The following NRXN1 variants were observed in gnomAD, a reference collection of about 807,000 sequenced individuals.
The protein encoded by NRXN1 is neurexin-1.
In NRXN1, 39 loss-of-function variants were observed where a neutral mutation model predicts 150.9. That is an observed-to-expected ratio of 0.26 (90% CI 0.20 to 0.34). The LOEUF (loss-of-function observed/expected upper bound fraction) is 0.34. Ranked by LOEUF, NRXN1 falls within the 10% of genes least tolerant of loss-of-function variation. The pLI is 1.00. For missense variants in NRXN1, 1,815 were observed against 1,949.9 expected, an observed-to-expected ratio of 0.93 and a Z score of 1.30; for synonymous variants, 924 against 757.0, an observed-to-expected ratio of 1.22 and a Z score of -3.62.
At chr2:50,336,928 A>C (rs1156429191) in intron 17 of NRXN1, among the ~76,000 whole-genome samples, 1 of 152,206 alleles carries the variant, frequency 6.6e-6, no homozygotes, top group Non-Finnish European at 1.5e-5. Flanking sequence ...GTTGGAAATT[A>C]GACAAAGTAA....
At chr2:50,574,340 T>C (rs985727576) in intron 8 of NRXN1, among the ~76,000 whole-genome samples, 1 of 146,690 alleles carries the variant, frequency 6.8e-6, no homozygotes, top group Non-Finnish European at 1.5e-5. Context: ...TTGGCTTTTG[T>C]AAAAAAAAAA....
At chr2:50,129,156 C>A (rs1705088094) in intron 18 of NRXN1, among the ~76,000 whole-genome samples, 1 of 152,036 alleles carries the variant, frequency 6.6e-6, no homozygotes. Context: ...GAGAAATTAT[C>A]CTATCTGAAT....
At chr2:50,352,806 A>AATAATG (rs1180178835) in intron 17 of NRXN1, among the ~76,000 whole-genome samples, 9 of 149,252 alleles carry the variant, frequency 6.0e-5, no homozygotes, top group African/African-American at 2.0e-4. Flanking sequence ...TAATAATAAT[A>AATAATG]ATGCCAGGCT....
rs932408890 is a variant in NRXN1 at position 50,347,609 on chromosome 2, G to A, written c.3365-110639C>T. On this transcript the variant is annotated intron_variant, in intron 17 of 22. Transcript: ENST00000401669. This position sits in a 1 kb window ranked among gnomAD's most constrained non-coding sequence, Gnocchi z 4.9. Reference sequence around the variant, plus strand: ...GCAATCTCCGCGTCCGCCGCCTCCTGACACTTACGCCCGGCGAGGGGTTCA... The same window carrying A: ...GCAATCTCCGCGTCCGCCGCCTCCTAACACTTACGCCCGGCGAGGGGTTCA... The A allele has an allele frequency of 3.0e-6, 3 of 1,009,976 alleles. No individual in the cohort carries two copies. In the South Asian group the frequency reaches 1.2e-4, roughly 39 times the overall value. 62.6% of individuals were successfully genotyped at this position (1,009,976 alleles called of 1,614,324 possible).
chr2:50,922,265 G>T (rs1053124404), intron 4 of NRXN1, among the ~76,000 whole-genome samples: 5 of 151,754 alleles, frequency 3.3e-5, no homozygotes, highest in South Asian at 2.1e-4. Flanking sequence ...GATGAAAAAT[G>T]GACTTATTTT....
intron 2 of NRXN1, among the ~76,000 whole-genome samples, chr2:50,957,412 A>G (rs1382752312): frequency 6.6e-6 from 1 of 152,178 alleles, no homozygotes; most frequent in Non-Finnish European, 1.5e-5. Context: ...TTTGGTTATC[A>G]TAACTGGGAG....
intron 18 of NRXN1, among the ~76,000 whole-genome samples, chr2:50,151,313 T>C (rs1274799645): frequency 1.3e-5 from 2 of 151,784 alleles, no homozygotes; most frequent in Non-Finnish European, 2.9e-5. Flanking sequence ...TCTAATCATA[T>C]TCATTAATAG....
At chr2:50,409,953 A>G (rs533685086) in intron 17 of NRXN1, among the ~76,000 whole-genome samples, 78 of 152,298 alleles carry the variant, frequency 5.1e-4, no homozygotes, top group African/African-American at 1.6e-3. Context: ...ATTATTTTCA[A>G]GCCTTCCCTA....
intron 19 of NRXN1, among the ~76,000 whole-genome samples, chr2:50,089,480 A>G (rs1465828660): frequency 6.6e-6 from 1 of 152,158 alleles, no homozygotes; most frequent in South Asian, 2.1e-4. Flanking sequence ...GGTTTTAGCT[A>G]TTACTTTTAA....
intron 10 of NRXN1, among the ~76,000 whole-genome samples, chr2:50,537,558 C>T (rs562300941): frequency 6.6e-6 from 1 of 152,218 alleles, no homozygotes; most frequent in South Asian, 2.1e-4. Context: ...GTGGGTTTGC[C>T]TCCTGTTAGA....
chr2:50,863,901 T>A (rs1354841993), intron 5 of NRXN1, among the ~76,000 whole-genome samples: 1 of 152,006 alleles, frequency 6.6e-6, no homozygotes, highest in African/African-American at 2.4e-5. Context: ...GATAGGAAAC[T>A]TTTTTGTCTC....
chr2:50,730,676 T>TTC (rs1281394438), intron 5 of NRXN1, among the ~76,000 whole-genome samples: 2 of 144,402 alleles, frequency 1.4e-5, no homozygotes, highest in South Asian at 4.4e-4. Context: ...TGTTTTCTTT[T>TTC]TTTTTTTTTT....
chr2:50,496,190 G>A (rs1377980810), intron 14 of NRXN1, 95 bp from the exon 15 acceptor site: 1 of 903,470 alleles, frequency 1.1e-6, no homozygotes, highest in Non-Finnish European at 1.7e-6. Flanking sequence ...TTTTCAGGTG[G>A]TTCCATCCTT....
At chr2:50,483,148 T>C (rs1193191778) in intron 15 of NRXN1, among the ~76,000 whole-genome samples, 1 of 151,178 alleles carries the variant, frequency 6.6e-6, no homozygotes, top group African/African-American at 2.4e-5. Flanking sequence ...ATATGCTAAT[T>C]ATAATTTATT....
At chr2:50,342,755 C>T (rs1269270322) in intron 17 of NRXN1, among the ~76,000 whole-genome samples, 2 of 152,184 alleles carry the variant, frequency 1.3e-5, no homozygotes, top group Admixed American at 1.3e-4. Context: ...CATAGAGGAC[C>T]CTCTTAGTTT....
chr2:50,655,956 A>G (rs1319668494), intron 5 of NRXN1, among the ~76,000 whole-genome samples: 2 of 151,956 alleles, frequency 1.3e-5, no homozygotes, highest in Non-Finnish European at 2.9e-5. Context: ...TTTTAAACCT[A>G]ATTACCGATA....
intron 22 of NRXN1, among the ~76,000 whole-genome samples, chr2:49,931,906 T>TTATA (rs1670192201): frequency 6.6e-6 from 1 of 152,208 alleles, no homozygotes. Flanking sequence ...ATTTCCTTTT[T>TTATA]TATATATAGA....
rs544278858 is a variant in NRXN1, at chr2:50,748,503, T to C, written c.833-124888A>G. The stretch of plus-strand genomic sequence containing the variant: ...GTACAGCCTTTCATATTTAGTACTA[T>C]TAATTAATCCCCATAAGCATAGAAA... On this transcript the variant is annotated intron_variant, in intron 5 of 22. Transcript: ENST00000401669. Among the ~76,000 whole-genome samples the C allele has an allele frequency of 6.6e-5, 10 of 152,262 alleles. No homozygotes were observed. In the East Asian group the frequency reaches 7.7e-4, roughly 12 times the overall value.
chr2:50,358,213 G>A (rs72874502), intron 17 of NRXN1, among the ~76,000 whole-genome samples: 1 of 152,228 alleles, frequency 6.6e-6, no homozygotes, highest in South Asian at 2.1e-4. Context: ...GTAGTGCCTC[G>A]AACGTCAGCG....
Sources: gnomAD v4.1 joint callset for allele counts (sites outside exome capture counted in the v4.1 genomes callset) on GRCh38, gnomAD v4.1.1 for gene constraint, Gnocchi (gnomAD v3.1) non-coding constraint, MANE v1.5 for transcripts, NCBI Gene and HGNC (gene_info 2026-07-23, HGNC 2026-07-21) for gene names.